Variants in DYNC1I2 observed in about 807,000 individuals in gnomAD.
DYNC1I2 encodes cytoplasmic dynein 1 intermediate chain 2.
Under a neutral mutation model 88.6 loss-of-function variants are expected in DYNC1I2, and 53 were observed. The observed-to-expected ratio is 0.60, with a 90% CI of 0.48 to 0.75. The LOEUF is 0.75. Ranked by LOEUF, DYNC1I2 falls within the 30% of genes least tolerant of loss-of-function variation. The pLI is 0.00. For synonymous variants in DYNC1I2, 198 were observed against 254.6 expected, an observed-to-expected ratio of 0.78 and a Z score of 2.12; for missense variants, 458 against 766.6, an observed-to-expected ratio of 0.60 and a Z score of 4.75.
chr2:171,728,113 A>G (rs1200637013), intron 12 of DYNC1I2, 146 bp downstream of exon 12: 14 of 850,380 alleles, frequency 1.6e-5, no homozygotes, highest in Admixed American at 1.2e-4. Flanking sequence ...AATGAAGGCT[A>G]TTTTTTTTTT....
Position 171,744,034 on chromosome 2 carries a change from A to C in DYNC1I2, c.1537-15A>C, listed in dbSNP as rs1312480539. 6.2e-7 allele frequency: 1 copy of C among 1,603,786 alleles called. No homozygotes were observed. Among genetic ancestry groups the C allele is most frequent in the Admixed American group, 1.7e-5 (1 of 58,342 alleles). On this transcript the variant is annotated splice_polypyrimidine_tract_variant and intron_variant, in intron 15 of 17. Coordinates refer to ENST00000397119, the MANE Select transcript of DYNC1I2 (RefSeq NM_001378.3). The stretch of plus-strand genomic sequence containing the variant: ...CATATATGGACTGTGCTAAGAATCA[A>C]CTTTTCTCTTTCAGAATAACAAGCC...
chr2:171,739,826 C>G (rs1025109452), intron 15 of DYNC1I2, among the ~76,000 whole-genome samples: 1 of 150,542 alleles, frequency 6.6e-6, no homozygotes, highest in Non-Finnish European at 1.5e-5. Flanking sequence ...ATGCCTCAGC[C>G]TCCTGAGTAG....
chr2:171,716,109 T>C (rs1263887975), intron 7 of DYNC1I2, among the ~76,000 whole-genome samples: 1 of 151,444 alleles, frequency 6.6e-6, no homozygotes, highest in Non-Finnish European at 1.5e-5. Context: ...ATTTATATCA[T>C]ACAAAAAAAA....
intron 17 of DYNC1I2, 67 bp from the exon 18 acceptor site, chr2:171,747,709 C>A: frequency 9.0e-7 from 1 of 1,111,444 alleles, no homozygotes; most frequent in Admixed American, 2.5e-5. Flanking sequence ...TGAAAACAAA[C>A]TGAATAATAG....
At chr2:171,709,540 G>C (rs1183371280) in intron 5 of DYNC1I2, among the ~76,000 whole-genome samples, 1 of 152,016 alleles carries the variant, frequency 6.6e-6, no homozygotes, top group Non-Finnish European at 1.5e-5. Flanking sequence ...AAAGCCCTAA[G>C]GGTAGTGTGC....
chr2:171,731,864 A>G (rs1372954630), intron 15 of DYNC1I2, among the ~76,000 whole-genome samples: 1 of 152,224 alleles, frequency 6.6e-6, no homozygotes, highest in African/African-American at 2.4e-5. Context: ...TTTGTAAGAT[A>G]CATAGTAATC....
rs747334211 is a variant in DYNC1I2, at chr2:171,690,237, AAAG to A, written c.91_93del (p.Glu31del). 1.5e-5 allele frequency: 23 copies of A among 1,547,572 alleles called. No individual in the cohort carries two copies. Among genetic ancestry groups the A allele is most frequent in the African/African-American group, 1.1e-4 (8 of 72,750 alleles). On this transcript the variant is annotated inframe_deletion, in exon 2 of 18. Coordinates refer to ENST00000397119, the MANE Select transcript of DYNC1I2 (RefSeq NM_001378.3). ...CCAAATCAGAGAGGAAAAGAAGAGA[AAAG>A]AAGAAGAAAGGAAAAAAAAAGAAGT...
chr2:171,718,617 T>G (rs1399065413), intron 7 of DYNC1I2, among the ~76,000 whole-genome samples: 1 of 151,902 alleles, frequency 6.6e-6, no homozygotes, highest in East Asian at 2.0e-4. Flanking sequence ...GTATTTTTAG[T>G]AGAGACGGGA....
chr2:171,708,936 AC>A (rs1294684248), intron 5 of DYNC1I2, among the ~76,000 whole-genome samples: 1 of 151,884 alleles, frequency 6.6e-6, no homozygotes, highest in Non-Finnish European at 1.5e-5. Context: ...CAAGTGATCC[AC>A]CCACCTTGGC....
chr2:171,738,402 AG>A (rs1313094131), intron 15 of DYNC1I2, among the ~76,000 whole-genome samples: 3 of 152,166 alleles, frequency 2.0e-5, no homozygotes, highest in African/African-American at 7.2e-5. Flanking sequence ...TATGTTTGTG[AG>A]ATTGATTCAT....
At chr2:171,696,167 C>T (rs902941363) in intron 3 of DYNC1I2, among the ~76,000 whole-genome samples, 2 of 152,138 alleles carry the variant, frequency 1.3e-5, no homozygotes, top group Admixed American at 1.3e-4. Flanking sequence ...TTATAATATT[C>T]TTCATTGAAC....
chr2:171,734,108 G>T (rs560478141), intron 15 of DYNC1I2, among the ~76,000 whole-genome samples: 19 of 152,170 alleles, frequency 1.2e-4, no homozygotes, highest in African/African-American at 4.6e-4. Context: ...ATGATTGTAG[G>T]TGTGCGGTCT....
chr2:171,710,415 C>T (rs979976276), intron 5 of DYNC1I2, among the ~76,000 whole-genome samples: 1 of 152,072 alleles, frequency 6.6e-6, no homozygotes, highest in Admixed American at 6.5e-5. Flanking sequence ...TGTGCATGCA[C>T]CTGTACGTGC....
chr2:171,699,517 T>G (rs547803503), intron 3 of DYNC1I2, among the ~76,000 whole-genome samples: 38 of 152,104 alleles, frequency 2.5e-4, no homozygotes, highest in Non-Finnish European at 4.9e-4. Context: ...GCTCATTAGA[T>G]TTCCATTTTA....
At chr2:171,715,540 G>C in intron 7 of DYNC1I2, 97 bp downstream of exon 7, 1 of 858,924 alleles carries the variant, frequency 1.2e-6, no homozygotes, top group Non-Finnish European at 1.7e-6. Flanking sequence ...TTTCTTTTTT[G>C]CTTTTGTGTT....
intron 15 of DYNC1I2, among the ~76,000 whole-genome samples, chr2:171,741,949 G>A (rs1689458323): frequency 6.6e-6 from 1 of 151,914 alleles, no homozygotes; most frequent in South Asian, 2.1e-4. Context: ...GAGCATGGTG[G>A]TGCACGCCTG....
At chr2:171,732,133 G>A (rs1436833896) in intron 15 of DYNC1I2, among the ~76,000 whole-genome samples, 2 of 152,214 alleles carry the variant, frequency 1.3e-5, no homozygotes, top group Admixed American at 6.5e-5. Flanking sequence ...GGAGTCCAAG[G>A]CGGGTGGATC....
intron 5 of DYNC1I2, among the ~76,000 whole-genome samples, chr2:171,708,912 C>T (rs184143103): frequency 1.1e-4 from 16 of 152,100 alleles, no homozygotes; most frequent in Admixed American, 7.9e-4. Flanking sequence ...AGGCTGGACT[C>T]GAATTCCCAG....
rs142208120 is a variant in DYNC1I2, at chr2:171,710,015, C to A, written c.335+2638C>A. On this transcript the variant is annotated intron_variant, in intron 5 of 17. Transcript: ENST00000397119. The stretch of plus-strand genomic sequence containing the variant: ...AGCAGGCTTGAGCCACCGCACCCAG[C>A]CACATCTTTTTAACCTTAATATGTA... 3.1e-4 allele frequency among the ~76,000 whole-genome samples: 47 copies of A among 152,222 alleles called. No homozygotes were observed. In the East Asian group the frequency reaches 7.9e-3, roughly 26 times the overall value.
Sources: gnomAD v4.1 joint callset for allele counts (sites outside exome capture counted in the v4.1 genomes callset) on GRCh38, gnomAD v4.1.1 for gene constraint, MANE v1.5 for transcripts, NCBI Gene and HGNC (gene_info 2026-07-23, HGNC 2026-07-21) for gene names.